FHIT: variants seen among roughly 807,000 people sequenced by gnomAD.
FHIT encodes bis(5'-adenosyl)-triphosphatase.
Under a neutral mutation model 17.9 loss-of-function variants are expected in FHIT, and 19 were observed. The observed-to-expected ratio is 1.06, with a 90% CI of 0.74 to 1.56. The LOEUF (loss-of-function observed/expected upper bound fraction) is 1.56, where lower values mean the gene tolerates loss of function less well. Among genes scored for constraint, FHIT ranks in the 40% most tolerant of loss-of-function variants. The probability of loss-of-function intolerance (pLI) is 0.00; values close to 1 mark genes in which losing one functional copy is unlikely to be tolerated. For synonymous variants in FHIT, 81 were observed against 69.7 expected (o/e 1.16, Z -0.81); for missense variants, 248 against 189.2 (o/e 1.31, Z -1.82).
At chr3:61,124,006 T>C (rs1327538010) in intron 2 of FHIT, among the ~76,000 whole-genome samples, 3 of 152,096 alleles carry the variant, frequency 2.0e-5, no homozygotes, top group Non-Finnish European at 4.4e-5. Flanking sequence ...ATTGGGAGCA[T>C]GGAGAAATAT....
intron 5 of FHIT, among the ~76,000 whole-genome samples, chr3:60,464,218 A>T (rs1277891978): frequency 6.6e-6 from 1 of 152,138 alleles, no homozygotes; most frequent in African/African-American, 2.4e-5. Context: ...TCATTTTTTT[A>T]AAAAATTGTT....
chr3:60,032,957 T>A lies in FHIT; in HGVS notation c.104-18805A>T, dbSNP rs530145269. Among the ~76,000 whole-genome samples, 90 of 152,076 alleles carry A rather than the reference T, an allele frequency of 5.9e-4. 1 individual carries two copies. The highest frequency in any genetic ancestry group is 3.4e-3 in the Middle Eastern group (1 of 294). ...ACACAAGATAGAGAAACAAGTTAAGTAACACTAAAGGGAAGCAAACAGACA... is the reference window on the plus strand; with the variant it reads ...ACACAAGATAGAGAAACAAGTTAAGAAACACTAAAGGGAAGCAAACAGACA... On this transcript the variant is annotated intron_variant, in intron 5 of 9. Transcript: ENST00000492590.
At chr3:59,886,026 T>C (rs73100670) in intron 8 of FHIT, among the ~76,000 whole-genome samples, 4,402 of 152,282 alleles carry the variant, frequency 0.029, 80 homozygotes, top group South Asian at 0.08. Context: ...GGGAACACCA[T>C]TCCATTGGGC....
chr3:60,555,499 T>C (rs1486012354), intron 4 of FHIT, among the ~76,000 whole-genome samples: 1 of 152,208 alleles, frequency 6.6e-6, no homozygotes, highest in African/African-American at 2.4e-5. Context: ...ATTTTGCTTT[T>C]TCATTGCTTG....
In FHIT at chr3:59,865,273, T is replaced by C. The variant is rs531659717; in HGVS notation, c.348+57073A>G. On this transcript the variant is annotated intron_variant, in intron 8 of 9. Transcript: ENST00000492590. ...AATCTTATATTTAAATACCAGTCTT[T>C]TAAACCATGGCTGTCACAGTGAAAA... is the stretch of plus-strand genomic sequence containing the variant. 3.3e-5 allele frequency among the ~76,000 whole-genome samples: 5 copies of C among 150,530 alleles called. No homozygotes were observed. The East Asian group carries it at 9.6e-4, about 29-fold the overall frequency.
In FHIT at chr3:60,331,909, C is replaced by A. The variant is rs17062781; in HGVS notation, c.103+204951G>T. ...CTCTACTGACACTCCAGGAAGCATG[C>A]CCTAAGATCTGTACCTCATGATTCT... On this transcript the variant is annotated intron_variant, in intron 5 of 9. Transcript: ENST00000492590. Among the ~76,000 whole-genome samples, 1,077 of 151,554 alleles carry A rather than the reference C, an allele frequency of 7.1e-3. 14 individuals are homozygous for A. Among genetic ancestry groups the A allele is most frequent in the Middle Eastern group, 0.031 (9 of 292 alleles).
At chr3:59,800,273 T>C (rs1699941501) in intron 8 of FHIT, among the ~76,000 whole-genome samples, 1 of 152,226 alleles carries the variant, frequency 6.6e-6, no homozygotes, top group East Asian at 1.9e-4. Flanking sequence ...CAGACAATAA[T>C]TTAATTGCTT....
intron 3 of FHIT, among the ~76,000 whole-genome samples, chr3:60,926,761 C>G (rs1439775204): frequency 6.6e-6 from 1 of 152,066 alleles, no homozygotes; most frequent in Non-Finnish European, 1.5e-5. Flanking sequence ...TCAATGAATC[C>G]AGGAGCTGGT....
intron 2 of FHIT, among the ~76,000 whole-genome samples, chr3:61,143,722 C>A (rs2037149972): frequency 6.6e-6 from 1 of 152,028 alleles, no homozygotes. Context: ...AAAAATTAGC[C>A]GGGCATGGTG....
At chr3:60,114,845 T>C (rs6801047) in intron 5 of FHIT, among the ~76,000 whole-genome samples, 5,639 of 152,082 alleles carry the variant, frequency 0.037, 352 homozygotes, top group African/African-American at 0.13. Flanking sequence ...GTTGGAAGTG[T>C]ACTGATTCAA....
At chr3:60,949,546 T>G (rs1191828109) in intron 3 of FHIT, among the ~76,000 whole-genome samples, 2 of 152,208 alleles carry the variant, frequency 1.3e-5, no homozygotes, top group African/African-American at 4.8e-5. Flanking sequence ...CTAAACTGAT[T>G]AAATTGATTT....
At chr3:59,753,213 CTGAG>C (rs556187739) in intron 8 of FHIT, among the ~76,000 whole-genome samples, 75 of 152,114 alleles carry the variant, frequency 4.9e-4, no homozygotes, top group African/African-American at 1.8e-3. Flanking sequence ...GCCATGAGAA[CTGAG>C]TAAGTAATAA....
chr3:61,087,182 T>C (rs2106797225), intron 2 of FHIT, among the ~76,000 whole-genome samples: 1 of 152,216 alleles, frequency 6.6e-6, no homozygotes, highest in South Asian at 2.1e-4. Context: ...CCACAAACAA[T>C]ATTCTATACA....
At chr3:60,492,069 T>G (rs530595507) in intron 5 of FHIT, among the ~76,000 whole-genome samples, 1 of 152,224 alleles carries the variant, frequency 6.6e-6, no homozygotes, top group African/African-American at 2.4e-5. Flanking sequence ...GACATAAATA[T>G]TCTTGAAAAT....
intron 5 of FHIT, among the ~76,000 whole-genome samples, chr3:60,301,020 G>A (rs958522856): frequency 2.0e-5 from 3 of 151,522 alleles, no homozygotes; most frequent in African/African-American, 4.9e-5. Flanking sequence ...CATCTCTCCC[G>A]AGTCCATTCT....
rs142828857 is a variant in FHIT, at chr3:60,146,158, G to A, written c.104-132006C>T. Among the ~76,000 whole-genome samples, 441 of 151,664 alleles carry A rather than the reference G, an allele frequency of 2.9e-3. 12 individuals carry two copies. The highest frequency in any genetic ancestry group is 0.027 in the Admixed American group (409 of 15,180). ...TGAAGGAGAGGAGGGTGGAATAGAG[G>A]TTAATTTGCTCACATGACAAGAAGC... On this transcript the variant is annotated intron_variant, in intron 5 of 9. Coordinates refer to ENST00000492590, the MANE Select transcript of FHIT (RefSeq NM_002012.4).
intron 5 of FHIT, among the ~76,000 whole-genome samples, chr3:60,179,936 T>C (rs1054345383): frequency 6.6e-6 from 1 of 152,218 alleles, no homozygotes; most frequent in Non-Finnish European, 1.5e-5. Flanking sequence ...AGATGGAATC[T>C]GAATGACAAT....
At chr3:60,426,901 A>G (rs1702689242) in intron 5 of FHIT, among the ~76,000 whole-genome samples, 1 of 152,106 alleles carries the variant, frequency 6.6e-6, no homozygotes, top group Non-Finnish European at 1.5e-5. Context: ...TATGTAACCC[A>G]TATAATTCCT....
chr3:59,762,795 C>T lies in FHIT; in HGVS notation c.349-10474G>A, dbSNP rs917297024. ...AATTAATCGCTGATCACCAACACCTCACCCCAGGCGCCATCATATCTGAAC... is the reference window on the plus strand; with the variant it reads ...AATTAATCGCTGATCACCAACACCTTACCCCAGGCGCCATCATATCTGAAC... On this transcript the variant is annotated intron_variant, in intron 8 of 9. Coordinates refer to ENST00000492590, the MANE Select transcript of FHIT (RefSeq NM_002012.4). Among the ~76,000 whole-genome samples, 33 of 151,044 alleles carry T rather than the reference C, an allele frequency of 2.2e-4. 1 individual carries two copies. The highest frequency in any genetic ancestry group is 4.4e-5 in the Non-Finnish European group (3 of 68,040).
Sources: allele counts gnomAD v4.1 joint callset (sites outside exome capture counted in the v4.1 genomes callset), GRCh38; gene constraint gnomAD v4.1.1; transcripts MANE v1.5; gene names NCBI Gene and HGNC (gene_info 2026-07-23, HGNC 2026-07-21).